Variants in MYO10 observed in about 807,000 individuals in gnomAD.
The protein encoded by MYO10 is unconventional myosin-X.
MYO10 carries 133 observed loss-of-function variants against 257.3 expected under a neutral mutation model. The ratio of observed to expected loss-of-function variants is 0.52; its 90% CI spans 0.45 to 0.60. The LOEUF is 0.60. Among genes scored for constraint, MYO10 ranks in the 20% least tolerant of loss-of-function variants. MYO10 has a pLI of 0.00. For missense variants in MYO10, 2,399 were observed against 2,635.7 expected, an observed-to-expected ratio of 0.91 and a Z score of 1.97; for synonymous variants, 1,104 against 1,028.6, an observed-to-expected ratio of 1.07 and a Z score of -1.40.
chr5:16,910,863 G>A (rs1029662440), intron 1 of MYO10, among the ~76,000 whole-genome samples: 10 of 152,048 alleles, frequency 6.6e-5, no homozygotes, highest in African/African-American at 2.4e-4. Context: ...GGTAGTCTAT[G>A]GGGAAAGGGA....
rs1329747245 is a variant in MYO10, at chr5:16,818,396, G to GTATATA, written c.121-230_121-229insTATATA. Among the ~76,000 whole-genome samples the GTATATA allele has an allele frequency of 2.2e-3, 244 of 111,918 alleles. 3 individuals carry two copies. Among genetic ancestry groups the GTATATA allele is most frequent in the Admixed American group, 4.7e-3 (51 of 10,924 alleles). The allele number at this position is 111,918 out of a possible 152,430, so 73.4% of individuals were successfully genotyped here. A position where few individuals can be genotyped will look rare whatever the true frequency, so the allele number is the denominator to read the frequency against. ...TGTGTGTGTGCGTGTGTGTGTGTGT[G>GTATATA]TGTGTGTGTGTGTGTATATATATAT... On this transcript the variant is annotated intron_variant, in intron 2 of 40. Coordinates refer to ENST00000513610, the MANE Select transcript of MYO10 (RefSeq NM_012334.3).
intron 4 of MYO10, among the ~76,000 whole-genome samples, 162 bp from the exon 5 acceptor site, chr5:16,783,631 A>G (rs1443842780): frequency 6.6e-6 from 1 of 152,262 alleles, no homozygotes; most frequent in Non-Finnish European, 1.5e-5. Flanking sequence ...AAAGAAAGCA[A>G]AAGTCCTTTC....
At chr5:16,906,226 C>T (rs932068658) in intron 1 of MYO10, among the ~76,000 whole-genome samples, 1 of 152,166 alleles carries the variant, frequency 6.6e-6, no homozygotes, top group Admixed American at 6.5e-5. Context: ...CCCCCCCATT[C>T]CTCAACACCA....
intron 2 of MYO10, among the ~76,000 whole-genome samples, chr5:16,870,992 G>A (rs536637162): frequency 6.6e-6 from 1 of 152,216 alleles, no homozygotes; most frequent in Non-Finnish European, 1.5e-5. Flanking sequence ...CTCAAACATG[G>A]TATTTCCTCT....
chr5:16,690,055 A>G (rs182936135), intron 27 of MYO10, 136 bp from the exon 28 acceptor site: 19 of 657,634 alleles, frequency 2.9e-5, no homozygotes, highest in African/African-American at 1.8e-4. Flanking sequence ...TTGGCTCTCC[A>G]TATCTGCGAG....
intron 1 of MYO10, among the ~76,000 whole-genome samples, chr5:16,886,751 G>A (rs1744907762): frequency 6.6e-6 from 1 of 151,834 alleles, no homozygotes; most frequent in African/African-American, 2.4e-5. Context: ...GGTCAACATG[G>A]TGAAACCCCG....
intron 3 of MYO10, among the ~76,000 whole-genome samples, chr5:16,798,354 G>A (rs1560990712): frequency 6.6e-6 from 1 of 151,506 alleles, no homozygotes; most frequent in African/African-American, 2.4e-5. Flanking sequence ...ACCTTAATTA[G>A]AAAAAAAAGA....
intron 2 of MYO10, among the ~76,000 whole-genome samples, chr5:16,868,799 T>C (rs1350229098): frequency 1.3e-5 from 2 of 152,112 alleles, no homozygotes; most frequent in East Asian, 3.9e-4. Context: ...TGTAAATACT[T>C]CACAGCAAGT....
At chr5:16,847,922 A>G (rs772435606) in intron 2 of MYO10, among the ~76,000 whole-genome samples, 6 of 152,204 alleles carry the variant, frequency 3.9e-5, no homozygotes, top group Non-Finnish European at 7.3e-5. Context: ...GTTACTTTAA[A>G]ATACTAGAAC....
chr5:16,830,563 A>T (rs1743133184), intron 2 of MYO10, among the ~76,000 whole-genome samples: 1 of 152,192 alleles, frequency 6.6e-6, no homozygotes, highest in African/African-American at 2.4e-5. Context: ...TAGTGTGCAG[A>T]AAACAATCAC....
intron 11 of MYO10, 56 bp from the exon 12 acceptor site, chr5:16,764,452 A>G: frequency 6.3e-7 from 1 of 1,597,594 alleles, no homozygotes; most frequent in Non-Finnish European, 8.5e-7. Flanking sequence ...CAGACAGGCA[A>G]GGCCATCCAT....
Position 16,761,484 on chromosome 5 carries a change from G to C in MYO10, c.1719C>G (p.Leu573=). 6.2e-7 allele frequency: 1 copy of C among 1,613,170 alleles called. No individual in the cohort carries two copies. Among genetic ancestry groups the C allele is most frequent in the Non-Finnish European group, 8.5e-7 (1 of 1,179,456 alleles). ...KNRDTFRDDL[L]NLLRESRFDF... ...CATACCGGCTTTCTCTTAGCAAATT[G>C]AGAAGGTCATCTCGAAATGTATCTC... Residue 573 remains leucine, a synonymous_variant, in exon 17 of 41, where the codon CTC becomes CTG. Coordinates refer to ENST00000513610, the MANE Select transcript of MYO10 (RefSeq NM_012334.3).
chr5:16,764,091 G>C (rs756503971), intron 12 of MYO10, among the ~76,000 whole-genome samples, 159 bp downstream of exon 12: 13 of 151,538 alleles, frequency 8.6e-5, no homozygotes, highest in Non-Finnish European at 7.4e-5. Flanking sequence ...AAGTTGCAGT[G>C]AGCTGTGATC....
In MYO10 at chr5:16,769,136, A is replaced by T. The variant is rs895003911; in HGVS notation, c.998T>A (p.Ile333Lys). The stretch of plus-strand genomic sequence containing the variant: ...AAATTCTATGTTCCCAAGATGCAGT[A>T]TACCAGCAAGCAGCCTCGACACTTC... ...VREVSRLLAGILHLGNIEFIT... is the reference protein window; with the variant it reads ...VREVSRLLAGKLHLGNIEFIT... Residue 333 changes from isoleucine to lysine, a missense_variant, in exon 10 of 41, where the codon ATA (isoleucine) becomes AAA (lysine). Ile to Lys is a moderately radical substitution (Grantham distance 102, BLOSUM62 -3). Coordinates refer to ENST00000513610, the MANE Select transcript of MYO10 (RefSeq NM_012334.3). 6.2e-7 allele frequency: 1 copy of T among 1,612,698 alleles called. No homozygotes were observed. The highest frequency in any genetic ancestry group is 2.2e-5 in the East Asian group (1 of 44,844).
chr5:16,685,662 CT>C, intron 29 of MYO10, 75 bp downstream of exon 29: 9 of 1,165,208 alleles, frequency 7.7e-6, no homozygotes, highest in South Asian at 1.3e-5. Context: ...CAATCTTTCC[CT>C]TTTTTACCAT....
chr5:16,751,048 C>T (rs1740363842), intron 19 of MYO10, among the ~76,000 whole-genome samples: 2 of 152,064 alleles, frequency 1.3e-5, no homozygotes, highest in Non-Finnish European at 2.9e-5. Context: ...AACCCATGCT[C>T]CTTGCTTCTG....
intron 10 of MYO10, among the ~76,000 whole-genome samples, chr5:16,767,000 C>T (rs745900152): frequency 1.4e-4 from 22 of 151,860 alleles, no homozygotes; most frequent in Non-Finnish European, 2.8e-4. Context: ...GTTGGGATTA[C>T]AAGCATGAGC....
chr5:16,717,842 C>T (rs1738939594), intron 19 of MYO10, among the ~76,000 whole-genome samples: 1 of 152,256 alleles, frequency 6.6e-6, no homozygotes, highest in South Asian at 2.1e-4. Context: ...TGGGCTCCCA[C>T]TTTGGTGGCA....
chr5:16,840,294 C>G (rs1263851512), intron 2 of MYO10, among the ~76,000 whole-genome samples: 1 of 152,120 alleles, frequency 6.6e-6, no homozygotes, highest in Non-Finnish European at 1.5e-5. Context: ...CACCTGTAAT[C>G]CCAGCTACTT....
Sources: allele counts gnomAD v4.1 joint callset (sites outside exome capture counted in the v4.1 genomes callset), GRCh38; gene constraint gnomAD v4.1.1; transcripts MANE v1.5; gene names NCBI Gene and HGNC (gene_info 2026-07-23, HGNC 2026-07-21).